Variants in ANKRD36 observed in about 807,000 individuals in gnomAD.
The protein encoded by ANKRD36 is ankyrin repeat domain-containing protein 36A.
In ANKRD36, 179 loss-of-function variants were observed where a neutral mutation model predicts 278.1. That is an observed-to-expected ratio of 0.64 (90% CI 0.57 to 0.73). ANKRD36 has a LOEUF of 0.73. Ranked by LOEUF, ANKRD36 falls within the 30% of genes least tolerant of loss-of-function variation. The probability of loss-of-function intolerance (pLI) is 0.00; values close to 1 mark genes in which losing one functional copy is unlikely to be tolerated. For missense variants in ANKRD36, 1,159 were observed against 1,956.7 expected, an observed-to-expected ratio of 0.59 and a Z score of 7.69; for synonymous variants, 320 against 641.1, an observed-to-expected ratio of 0.50 and a Z score of 7.57.
intron 58 of ANKRD36, chr2:97,212,800 G>T (rs1443988755): frequency 5.7e-6 from 1 of 174,978 alleles, no homozygotes; most frequent in African/African-American, 2.4e-5. Context: ...GGCTAAACGA[G>T]TGGATACAAG....
intron 22 of ANKRD36, among the ~76,000 whole-genome samples, chr2:97,178,324 A>C (rs145730652): frequency 1.3e-3 from 191 of 151,974 alleles, no homozygotes; most frequent in East Asian, 3.9e-3. Context: ...CATCCCATTA[A>C]TGGGTATATA....
Position 97,206,060 on chromosome 2 carries a change from C to T in ANKRD36, c.3091-3C>T. 2 of 1,550,158 alleles carry T rather than the reference C, an allele frequency of 1.3e-6. No homozygotes were observed. Among genetic ancestry groups the T allele is most frequent in the Non-Finnish European group, 1.7e-6 (2 of 1,149,202 alleles). The stretch of plus-strand genomic sequence containing the variant: ...TTATTATTTTGTTTCAAATTCCATT[C>T]AGGCTACAAGTGATGAGGAAGATTC... On this transcript the variant is annotated splice_polypyrimidine_tract_variant and splice_region_variant and intron_variant, in intron 51 of 75. Transcript: ENST00000420699.
At position 97,113,765 on chromosome 2, in the gene ANKRD36, G is replaced by A. The variant is rs1189615371; in HGVS notation, c.26G>A (p.Trp9Ter). The change falls in exon 1 of 76, where the codon TGG becomes TAG. Residue 9 changes from tryptophan (W) to a stop codon, truncating the protein, a stop_gained. Transcript: ENST00000420699. LOFTEE classifies it high-confidence loss of function. The part of the protein sequence containing the change: MEDGKRER[W>*]PTLMERLCSD... ...ATGGAAGACGGCAAGCGGGAGAGGTGGCCCACCCTCATGGAGCGCTTGTGC... is the reference window on the plus strand; with the variant it reads ...ATGGAAGACGGCAAGCGGGAGAGGTAGCCCACCCTCATGGAGCGCTTGTGC... 1.2e-6 allele frequency: 2 copies of A among 1,612,720 alleles called. No individual in the cohort carries two copies. Among genetic ancestry groups the A allele is most frequent in the Non-Finnish European group, 8.5e-7 (1 of 1,179,986 alleles).
At chr2:97,163,445 C>T (rs533307062) in intron 18 of ANKRD36, 16 of 359,656 alleles carry the variant, frequency 4.4e-5, no homozygotes, top group South Asian at 3.4e-4. Context: ...GTTGAGAATC[C>T]AGAAGTTGAA....
At chr2:97,160,624 C>A (rs747746149) in intron 17 of ANKRD36, among the ~76,000 whole-genome samples, 2 of 152,014 alleles carry the variant, frequency 1.3e-5, no homozygotes, top group Non-Finnish European at 2.9e-5. Context: ...TTGATCCTTT[C>A]TCTGATTTTT....
intron 24 of ANKRD36, among the ~76,000 whole-genome samples, chr2:97,180,364 C>T (rs1428465039): frequency 9.2e-5 from 14 of 151,516 alleles, no homozygotes. Flanking sequence ...AAGAAGACCA[C>T]TGATGTAGCA....
intron 11 of ANKRD36, among the ~76,000 whole-genome samples, chr2:97,148,050 C>A (rs1008556578): frequency 6.6e-6 from 1 of 151,978 alleles, no homozygotes; most frequent in Non-Finnish European, 1.5e-5. Flanking sequence ...AATGTGGTAT[C>A]ATCTTCTTCC....
intron 4 of ANKRD36, among the ~76,000 whole-genome samples, chr2:97,123,513 A>G (rs1249014405): frequency 2.4e-5 from 2 of 82,534 alleles, no homozygotes; most frequent in African/African-American, 5.7e-5. Context: ...CACTTGCTAG[A>G]TGTGTGACCT....
chr2:97,162,186 A>G (rs1225667341), intron 18 of ANKRD36, 48 bp downstream of exon 18: 12 of 1,322,192 alleles, frequency 9.1e-6, no homozygotes, highest in Non-Finnish European at 1.2e-5. Context: ...AAATAATGAT[A>G]ATGTTATTTT....
chr2:97,163,345 A>G (rs1457132763), intron 18 of ANKRD36: 1 of 442,850 alleles, frequency 2.3e-6, no homozygotes, highest in Admixed American at 2.5e-5. Flanking sequence ...CATTTTGTAA[A>G]TGAAAATCTG....
At chr2:97,118,297 A>G (rs2036046735) in intron 2 of ANKRD36, 47 bp from the exon 3 acceptor site, 9 of 1,611,494 alleles carry the variant, frequency 5.6e-6, no homozygotes, top group African/African-American at 1.3e-5. Context: ...CGGAGTGTTT[A>G]TTTTGATTTT....
rs1459738537 is a variant in ANKRD36 at position 97,207,980 on chromosome 2, A to G, written c.3239A>G (p.Lys1080Arg). The change falls in exon 54 of 76, where the codon AAA (lysine) becomes AGA (arginine). Residue 1080 changes from lysine to arginine, a missense_variant. By Grantham distance (26) the Lys-to-Arg change is conservative (BLOSUM62 2). Transcript: ENST00000420699. ...TCTGTTTTGAATATAGCCAGAGGAA[A>G]AAAGTATGGAGAAAAAACTAAGAGA... ...KDSVLNIARG[K>R]KYGEKTKRVS... The G allele has an allele frequency of 3.3e-6, 5 of 1,523,550 alleles. No homozygotes were observed. The highest frequency in any genetic ancestry group is 4.4e-6 in the Non-Finnish European group (5 of 1,132,898). The allele number at this position is 1,523,550 out of a possible 1,614,324, so 94.4% of individuals were successfully genotyped here.
chr2:97,231,560 G>A (rs1329143707), intron 67 of ANKRD36, among the ~76,000 whole-genome samples: 3 of 152,132 alleles, frequency 2.0e-5, no homozygotes, highest in African/African-American at 4.8e-5. Context: ...GACTAGGAAA[G>A]GGAACTCCCT....
chr2:97,157,515 A>G (rs1185452315), intron 15 of ANKRD36, among the ~76,000 whole-genome samples: 41 of 93,798 alleles, frequency 4.4e-4, no homozygotes, highest in Non-Finnish European at 5.8e-4. Flanking sequence ...CTATTTAGTA[A>G]CTATGTGTGG....
At chr2:97,124,760 C>T (rs1390458128) in intron 5 of ANKRD36, among the ~76,000 whole-genome samples, 163 bp downstream of exon 5, 97 of 152,022 alleles carry the variant, frequency 6.4e-4, no homozygotes, top group Non-Finnish European at 5.9e-5. Flanking sequence ...GCAACTTCAT[C>T]AGCCAGAAAT....
chr2:97,170,733 A>T (rs148849801), intron 22 of ANKRD36, among the ~76,000 whole-genome samples: 15 of 151,446 alleles, frequency 9.9e-5, no homozygotes, highest in Non-Finnish European at 1.5e-4. Context: ...GCTTCTGCAC[A>T]GCAAAAGAAA....
intron 34 of ANKRD36, among the ~76,000 whole-genome samples, chr2:97,190,118 CAAG>C (rs2058182481): frequency 1.1e-5 from 1 of 88,758 alleles, no homozygotes; most frequent in African/African-American, 2.6e-5. Context: ...ATGATACTCC[CAAG>C]AAGGCTATTT....
chr2:97,224,457 T>C (rs1460771864), intron 66 of ANKRD36, among the ~76,000 whole-genome samples: 1 of 151,120 alleles, frequency 6.6e-6, no homozygotes, highest in African/African-American at 2.4e-5. Flanking sequence ...TTTTTGTTTT[T>C]TTTTTTTTGA....
intron 56 of ANKRD36, among the ~76,000 whole-genome samples, chr2:97,210,752 C>T (rs1277135954): frequency 6.6e-6 from 1 of 151,854 alleles, no homozygotes; most frequent in African/African-American, 2.4e-5. Flanking sequence ...TAGTCATTTT[C>T]AATGAATATT....
Sources: allele counts gnomAD v4.1 joint callset (sites outside exome capture counted in the v4.1 genomes callset), GRCh38; gene constraint gnomAD v4.1.1; transcripts MANE v1.5; gene names NCBI Gene and HGNC (gene_info 2026-07-23, HGNC 2026-07-21).